Variants in SGCD observed in about 807,000 individuals in gnomAD.
SGCD encodes the protein delta-sarcoglycan.
In SGCD, 18 loss-of-function variants were observed where a neutral mutation model predicts 36.6. The observed-to-expected ratio is 0.49, with a 90% CI of 0.34 to 0.73. SGCD has a LOEUF of 0.73. Among genes scored for constraint, SGCD ranks in the 30% least tolerant of loss-of-function variants. The probability of loss-of-function intolerance (pLI) is 0.01; values close to 1 mark genes in which losing one functional copy is unlikely to be tolerated. For synonymous variants in SGCD, 133 were observed against 130.6 expected (o/e 1.02, Z -0.12); for missense variants, 387 against 346.7 (o/e 1.12, Z -0.92).
At chr5:156,613,005 A>T (rs1761888685) in intron 6 of SGCD, among the ~76,000 whole-genome samples, 1 of 152,310 alleles carries the variant, frequency 6.6e-6, no homozygotes. Flanking sequence ...TCCCTTAAAA[A>T]TAAAATCACT....
chr5:156,153,396 T>A (rs531929970), intron 3 of SGCD, among the ~76,000 whole-genome samples: 2 of 151,642 alleles, frequency 1.3e-5, no homozygotes, highest in African/African-American at 4.9e-5. Flanking sequence ...TCTTTTATTA[T>A]CTCCATGAAG....
chr5:155,857,007 G>T, the SGCD span, among the ~76,000 whole-genome samples: 1 of 152,198 alleles, frequency 6.6e-6, no homozygotes, highest in East Asian at 1.9e-4. Context: ...ACAGAGGCGG[G>T]TGGATTACTT....
intron 7 of SGCD, chr5:156,704,247 A>C (rs1754650321): frequency 6.6e-6 from 1 of 152,150 alleles, no homozygotes. Flanking sequence ...GATATCCGCC[A>C]GGCTTCTATC....
At chr5:155,886,822 A>C (rs967756810) in intron 1 of SGCD, among the ~76,000 whole-genome samples, 9 of 152,148 alleles carry the variant, frequency 5.9e-5, no homozygotes, top group Non-Finnish European at 1.3e-4. Context: ...CCAGGGGCAA[A>C]AATCACTCAG....
At chr5:155,757,120 C>A in the SGCD span, among the ~76,000 whole-genome samples, 1 of 152,156 alleles carries the variant, frequency 6.6e-6, no homozygotes, top group African/African-American at 2.4e-5. Flanking sequence ...TATTCTGTTT[C>A]AATTTCTGAG....
chr5:156,184,189 A>G (rs1237946836), intron 3 of SGCD, among the ~76,000 whole-genome samples: 4 of 152,160 alleles, frequency 2.6e-5, no homozygotes, highest in Non-Finnish European at 4.4e-5. Context: ...GAAAAACATG[A>G]TAGTATGGGT....
intron 6 of SGCD, among the ~76,000 whole-genome samples, chr5:156,638,068 C>T (rs1762896081): frequency 6.6e-6 from 1 of 151,990 alleles, no homozygotes; most frequent in South Asian, 2.1e-4. Flanking sequence ...ACTTGCCTGG[C>T]CACAGGAACA....
intron 3 of SGCD, among the ~76,000 whole-genome samples, chr5:156,395,766 T>C (rs181941784): frequency 4.7e-4 from 71 of 152,318 alleles, no homozygotes; most frequent in East Asian, 9.6e-4. Flanking sequence ...CAGACACATA[T>C]ATATCTGTCT....
chr5:156,609,826 G>C (rs1349507794), intron 6 of SGCD, among the ~76,000 whole-genome samples: 1 of 152,086 alleles, frequency 6.6e-6, no homozygotes, highest in Non-Finnish European at 1.5e-5. Flanking sequence ...CTTTCTTCCA[G>C]TTGATCGAAT....
chr5:155,745,927 G>A, the SGCD span, among the ~76,000 whole-genome samples: 3 of 152,184 alleles, frequency 2.0e-5, no homozygotes, highest in Admixed American at 6.5e-5. Flanking sequence ...GCATTTTCTT[G>A]TGAAATAAAA....
At chr5:156,601,973 G>T (rs1355925729) in intron 6 of SGCD, among the ~76,000 whole-genome samples, 4 of 152,180 alleles carry the variant, frequency 2.6e-5, no homozygotes, top group Non-Finnish European at 5.9e-5. Context: ...GAGCCACTGA[G>T]CCTGGCCGTG....
chr5:155,855,226 C>T, the SGCD span, among the ~76,000 whole-genome samples: 1 of 152,180 alleles, frequency 6.6e-6, no homozygotes, highest in Non-Finnish European at 1.5e-5. Flanking sequence ...CTCGGCAACT[C>T]TACTGACTGG....
intron 3 of SGCD, among the ~76,000 whole-genome samples, chr5:156,306,311 T>G (rs1040409694): frequency 6.6e-6 from 1 of 152,156 alleles, no homozygotes; most frequent in African/African-American, 2.4e-5. Flanking sequence ...TCTCATGAGA[T>G]CTGATGGTTC....
chr5:155,980,100 A>G (rs975853687), intron 1 of SGCD, among the ~76,000 whole-genome samples: 10 of 152,120 alleles, frequency 6.6e-5, no homozygotes, highest in Admixed American at 6.5e-4. Flanking sequence ...TGCATCCCCA[A>G]AGAGAGCCCT....
At chr5:156,246,057 G>A (rs1765430180) in intron 3 of SGCD, among the ~76,000 whole-genome samples, 1 of 152,064 alleles carries the variant, frequency 6.6e-6, no homozygotes, top group Admixed American at 6.6e-5. Context: ...TTAAATGGTG[G>A]CTGCCTTTTC....
At chr5:155,906,262 CTCT>C (rs1756510056) in intron 1 of SGCD, among the ~76,000 whole-genome samples, 1 of 152,072 alleles carries the variant, frequency 6.6e-6, no homozygotes, top group Admixed American at 6.6e-5. Context: ...CTCTCATTTC[CTCT>C]TCTTGAGCTT....
chr5:156,619,057 G>A (rs1762135500), intron 6 of SGCD, among the ~76,000 whole-genome samples: 1 of 146,954 alleles, frequency 6.8e-6, no homozygotes, highest in Admixed American at 6.9e-5. Context: ...ACAGCGTATC[G>A]CTCTGTTGCC....
chr5:156,630,897 C>T (rs1359178984), intron 6 of SGCD, among the ~76,000 whole-genome samples: 1 of 152,044 alleles, frequency 6.6e-6, no homozygotes, highest in Non-Finnish European at 1.5e-5. Context: ...TCCTTAGAAC[C>T]TAGGTGAGTG....
At chr5:156,597,236 A>T (rs1037221843) in intron 6 of SGCD, among the ~76,000 whole-genome samples, 7 of 152,222 alleles carry the variant, frequency 4.6e-5, no homozygotes, top group Admixed American at 3.3e-4. Context: ...CCCAATAAAT[A>T]AAATAGATGA....
Sources: gnomAD v4.1 joint callset for allele counts (sites outside exome capture counted in the v4.1 genomes callset) on GRCh38, gnomAD v4.1.1 for gene constraint, MANE v1.5 for transcripts, NCBI Gene and HGNC (gene_info 2026-07-23, HGNC 2026-07-21) for gene names.